The following EPB41L4A variants were observed in gnomAD, a reference collection of about 807,000 sequenced individuals.
EPB41L4A encodes band 4.1-like protein 4A.
A neutral mutation model predicts 108.6 loss-of-function variants in EPB41L4A; 100 were observed. The ratio of observed to expected loss-of-function variants is 0.92; its 90% CI spans 0.78 to 1.09. EPB41L4A has a LOEUF of 1.09. Among genes scored for constraint, EPB41L4A ranks in the 50% least tolerant of loss-of-function variants. EPB41L4A has a pLI of 0.00. For synonymous variants in EPB41L4A, 319 were observed against 289.0 expected, an observed-to-expected ratio of 1.10 and a Z score of -1.05; for missense variants, 1,030 against 842.7, an observed-to-expected ratio of 1.22 and a Z score of -2.75.
chr5:112,199,437 G>A (rs1430023929), intron 15 of EPB41L4A, among the ~76,000 whole-genome samples: 1 of 152,116 alleles, frequency 6.6e-6, no homozygotes, highest in Non-Finnish European at 1.5e-5. Flanking sequence ...CTTCAATTAA[G>A]CCAAATGCTG....
At chr5:112,401,249 T>G (rs900705986) in intron 1 of EPB41L4A, among the ~76,000 whole-genome samples, 1 of 152,182 alleles carries the variant, frequency 6.6e-6, no homozygotes, top group African/African-American at 2.4e-5. Flanking sequence ...CCTCCAGGCT[T>G]GAAAACTAGC....
chr5:112,349,470 G>C (rs1010716145), intron 1 of EPB41L4A, among the ~76,000 whole-genome samples: 1 of 152,170 alleles, frequency 6.6e-6, no homozygotes, highest in African/African-American at 2.4e-5. Context: ...GGGAAGACCA[G>C]GATACCAGGG....
In EPB41L4A at chr5:112,412,362, TC is replaced by T. The variant is rs1762460408; in HGVS notation, c.99+6578del. ...AGGAACTATTCCAGACCTTGATGAA[TC>T]TCTTTGCAAGAGTGTGTAGTTATAG... On this transcript the variant is annotated intron_variant, in intron 1 of 22. Transcript: ENST00000261486. Among the ~76,000 whole-genome samples the T allele has an allele frequency of 2.6e-5, 4 of 152,330 alleles. No homozygotes were observed. In the South Asian group the frequency reaches 8.3e-4, roughly 32 times the overall value.
intron 4 of EPB41L4A, among the ~76,000 whole-genome samples, chr5:112,267,316 G>T (rs915356021): frequency 6.6e-6 from 1 of 152,110 alleles, no homozygotes; most frequent in Non-Finnish European, 1.5e-5. Flanking sequence ...CAAAGGAAAT[G>T]AACTATAATA....
chr5:112,278,526 A>G (rs552192198), intron 3 of EPB41L4A, among the ~76,000 whole-genome samples: 2 of 152,238 alleles, frequency 1.3e-5, no homozygotes, highest in Non-Finnish European at 2.9e-5. Context: ...TGCTGGGATT[A>G]CAGGCATAAG....
intron 1 of EPB41L4A, among the ~76,000 whole-genome samples, chr5:112,398,625 G>C (rs1362906575): frequency 6.6e-6 from 1 of 152,098 alleles, no homozygotes; most frequent in African/African-American, 2.4e-5. Context: ...CTGAGCTCAA[G>C]TGATCCTCCT....
In EPB41L4A at chr5:112,307,447, T is replaced by G. The variant is rs374475208; in HGVS notation, c.143A>C (p.His48Pro). 6.8e-6 allele frequency: 11 copies of G among 1,613,386 alleles called. No homozygotes were observed. The highest frequency in any genetic ancestry group is 9.3e-6 in the Non-Finnish European group (11 of 1,179,426). Residue 48 changes from histidine (H) to proline (P), a missense_variant, in exon 2 of 23, where the codon CAC becomes CCC. Transcript: ENST00000261486. Reference sequence around the variant, plus strand: ...ATAATCTATCTCCACAAGGTTTACGTGATGGAATACGTGGTCAAGGACAAC... The same window carrying G: ...ATAATCTATCTCCACAAGGTTTACGGGATGGAATACGTGGTCAAGGACAAC... ...GSVVLDHVFH[H>P]VNLVEIDYFG...
rs79172638 is a variant in EPB41L4A, at chr5:112,334,158, A to C, written c.100-26668T>G. Reference sequence around the variant, plus strand: ...TAAAGATCCTAAAACTGACAAAACAAACCCTTTTTGTAGCAACAAGATACC... The same window carrying C: ...TAAAGATCCTAAAACTGACAAAACACACCCTTTTTGTAGCAACAAGATACC... On this transcript the variant is annotated intron_variant, in intron 1 of 22. Transcript: ENST00000261486. Among the ~76,000 whole-genome samples, 790 of 152,264 alleles carry C rather than the reference A, an allele frequency of 5.2e-3. 11 individuals carry two copies. Among genetic ancestry groups the C allele is most frequent in the African/African-American group, 0.018 (756 of 41,536 alleles).
chr5:112,326,666 G>A (rs1026196585), intron 1 of EPB41L4A, among the ~76,000 whole-genome samples: 1 of 152,148 alleles, frequency 6.6e-6, no homozygotes, highest in African/African-American at 2.4e-5. Context: ...GATGTTATGT[G>A]TGGCAGTTCA....
chr5:112,168,750 T>C lies in EPB41L4A; in HGVS notation c.1921A>G (p.Thr641Ala), dbSNP rs1201651846. Residue 641 changes from threonine to alanine, a missense_variant, in exon 22 of 23, where the codon ACA (threonine) becomes GCA (alanine). Thr to Ala is a moderately conservative substitution (Grantham distance 58). Coordinates refer to ENST00000261486, the MANE Select transcript of EPB41L4A (RefSeq NM_022140.5). ...SSDAQGSGDA[T>A]VHQRRNGSKD... ...TTACTATTACTAACCTGATGAACTGTAGCATCCCCAGAACCCTGAGCATCC... is the reference window on the plus strand; with the variant it reads ...TTACTATTACTAACCTGATGAACTGCAGCATCCCCAGAACCCTGAGCATCC... 1.2e-6 allele frequency: 2 copies of C among 1,613,482 alleles called. No individual in the cohort carries two copies. The highest frequency in any genetic ancestry group is 2.2e-5 in the East Asian group (1 of 44,880).
intron 12 of EPB41L4A, among the ~76,000 whole-genome samples, chr5:112,222,164 G>C (rs1748107025): frequency 6.6e-6 from 1 of 152,200 alleles, no homozygotes; most frequent in South Asian, 2.1e-4. Context: ...TAAATGAGCA[G>C]AATGTATGGT....
intron 1 of EPB41L4A, among the ~76,000 whole-genome samples, chr5:112,409,189 G>C (rs1475601522): frequency 6.6e-6 from 1 of 152,154 alleles, no homozygotes; most frequent in East Asian, 1.9e-4. Context: ...CATTGTGAAT[G>C]AATCTTGAAA....
downstream of EPB41L4A, among the ~76,000 whole-genome samples, chr5:112,157,696 A>G (rs370229888): frequency 8.5e-5 from 13 of 152,182 alleles, no homozygotes; most frequent in Admixed American, 6.5e-4. Flanking sequence ...ACCTTCTTCC[A>G]TTTTTATCCC....
chr5:112,285,470 G>A (rs1198416125), intron 2 of EPB41L4A, among the ~76,000 whole-genome samples: 1 of 152,206 alleles, frequency 6.6e-6, no homozygotes, highest in East Asian at 1.9e-4. Flanking sequence ...CAGATCTATG[G>A]CCCTCTAAGC....
chr5:112,250,897 T>G (rs1561511571), intron 9 of EPB41L4A: 1 of 152,202 alleles, frequency 6.6e-6, no homozygotes, highest in African/African-American at 2.4e-5. Context: ...ACTAGGTGCT[T>G]GTAACCTCAC....
intron 9 of EPB41L4A, among the ~76,000 whole-genome samples, chr5:112,253,243 T>A (rs993867147): frequency 6.6e-6 from 1 of 152,144 alleles, no homozygotes; most frequent in Non-Finnish European, 1.5e-5. Flanking sequence ...GTGGTCACCA[T>A]ATGCCCCCAG....
rs76380225 is a variant in EPB41L4A, at chr5:112,323,744, G to A, written c.100-16254C>T. Among the ~76,000 whole-genome samples the A allele has an allele frequency of 8.8e-3, 1,334 of 152,228 alleles. 20 individuals carry two copies. The highest frequency in any genetic ancestry group is 0.03 in the African/African-American group (1,261 of 41,526). ...CCTTACCACAGTAAGCAATAAACTG[G>A]GTTTTGCTTTATTTAGAGGTTATTC... is the stretch of plus-strand genomic sequence containing the variant. On this transcript the variant is annotated intron_variant, in intron 1 of 22. Transcript: ENST00000261486.
intron 12 of EPB41L4A, among the ~76,000 whole-genome samples, chr5:112,219,623 T>C (rs1747903398): frequency 6.6e-6 from 1 of 152,222 alleles, no homozygotes; most frequent in Non-Finnish European, 1.5e-5. Flanking sequence ...TAAGTTATTA[T>C]AATTAGTAGC....
At chr5:112,289,966 C>A (rs913603266) in intron 2 of EPB41L4A, among the ~76,000 whole-genome samples, 1 of 152,188 alleles carries the variant, frequency 6.6e-6, no homozygotes, top group Non-Finnish European at 1.5e-5. Context: ...ACTTGCTATT[C>A]CTCCTGTGTT....
Sources: allele counts gnomAD v4.1 joint callset (sites outside exome capture counted in the v4.1 genomes callset), GRCh38; gene constraint gnomAD v4.1.1; transcripts MANE v1.5; gene names NCBI Gene and HGNC (gene_info 2026-07-23, HGNC 2026-07-21).